LONP1: variants seen among roughly 807,000 people sequenced by gnomAD.
LONP1 encodes the protein lon peptidase 1, mitochondrial, also known as lon protease homolog, mitochondrial.
In LONP1, 31 loss-of-function variants were observed where a neutral mutation model predicts 98.5. The ratio of observed to expected loss-of-function variants is 0.31; its 90% confidence interval spans 0.24 to 0.42. LONP1 has a LOEUF of 0.42. Ranked by LOEUF, LONP1 falls within the 20% of genes least tolerant of loss-of-function variation. The pLI is 1.00. For missense variants in LONP1, 1,336 were observed against 1,350.6 expected (o/e 0.99, Z 0.17); for synonymous variants, 781 against 594.7 (o/e 1.31, Z -4.56).
At chr19:5,692,433 C>A (rs1455777522) in intron 17 of LONP1, among the ~76,000 whole-genome samples, 1 of 152,158 alleles carries the variant, frequency 6.6e-6, no homozygotes, top group African/African-American at 2.4e-5. Context: ...GGAGCCAGGG[C>A]CTCCCCACCC....
intron 1 of LONP1, among the ~76,000 whole-genome samples, chr19:5,717,099 A>G (rs2055337392): frequency 6.6e-6 from 1 of 152,164 alleles, no homozygotes; most frequent in Admixed American, 6.6e-5. Flanking sequence ...CAGCCCACGA[A>G]GTTAGTTTTT....
At chr19:5,708,506 A>AGTATGGGGCAGGGTCGCTGGGG (rs1322435701) in intron 4 of LONP1, 103 bp from the exon 5 acceptor site, 39 of 887,632 alleles carry the variant, frequency 4.4e-5, no homozygotes, top group South Asian at 1.3e-4. Context: ...AGCTCCATCA[A>AGTATGGGGCAGGGTCGCTGGGG]CTCCCTCCCC....
rs2054871516 is a variant in LONP1 at position 5,693,617 on chromosome 19, G to T, written c.2473C>A (p.Leu825Ile). 1.2e-6 allele frequency: 2 copies of T among 1,613,978 alleles called. No homozygotes were observed. The highest frequency in any genetic ancestry group is 8.5e-7 in the Non-Finnish European group (1 of 1,180,010). The change falls in exon 16 of 18, where the codon CTC (leucine) becomes ATC (isoleucine). Residue 825 changes from leucine (L) to isoleucine (I), a missense_variant. By Grantham distance (5) the Leu-to-Ile change is conservative. Transcript: ENST00000360614. ...TCATTGGCGGGGGCGTGCTGCATGAGGAAGGCTCTGGCGAAGGTGTAGGCT... is the reference window on the plus strand; with the variant it reads ...TCATTGGCGGGGGCGTGCTGCATGATGAAGGCTCTGGCGAAGGTGTAGGCT... ...RIAYTFARAFLMQHAPANDYL... is the reference protein window; with the variant it reads ...RIAYTFARAFIMQHAPANDYL...
chr19:5,700,534 A>G (rs2055021413), intron 9 of LONP1, among the ~76,000 whole-genome samples: 1 of 152,204 alleles, frequency 6.6e-6, no homozygotes, highest in South Asian at 2.1e-4. Context: ...CTCCCGCCTC[A>G]GCCTCCTGAG....
intron 10 of LONP1, among the ~76,000 whole-genome samples, chr19:5,698,266 G>T (rs1348787565): frequency 6.6e-6 from 1 of 152,178 alleles, no homozygotes; most frequent in Non-Finnish European, 1.5e-5. Context: ...GGGAGCTGGG[G>T]ATGTTTTTAG....
chr19:5,697,502 G>A (rs956455829), intron 10 of LONP1, among the ~76,000 whole-genome samples: 2 of 147,948 alleles, frequency 1.4e-5, no homozygotes, highest in East Asian at 2.0e-4. Context: ...GAGGCAGAGG[G>A]AGGAGGGGGG....
Position 5,720,095 on chromosome 19 carries a change from G to C in LONP1, c.38C>G (p.Ala13Gly). Residue 13 changes from alanine to glycine, a missense_variant, in exon 1 of 18, where the codon GCG becomes GGG. Ala to Gly is a moderately conservative substitution (Grantham distance 60). Coordinates refer to ENST00000360614, the MANE Select transcript of LONP1 (RefSeq NM_004793.4). ...CCGCCGCAGCACCCAGCACCGCGCC[G>C]CTCCCCACAGTCGCACGTAGCCAGT... ...ASTGYVRLWG[A>G]ARCWVLRRPM... is the part of the protein sequence containing the mutation. The C allele has an allele frequency of 6.8e-7, 1 of 1,469,058 alleles. No individual in the cohort carries two copies. Among genetic ancestry groups the C allele is most frequent in the Non-Finnish European group, 8.9e-7 (1 of 1,119,702 alleles). 91.0% of individuals were successfully genotyped at this position (1,469,058 alleles called of 1,614,324 possible). A position where few individuals can be genotyped will look rare whatever the true frequency, so the allele number is the denominator to read the frequency against.
At chr19:5,701,592 C>A (rs1033980648) in intron 8 of LONP1, among the ~76,000 whole-genome samples, 1 of 152,228 alleles carries the variant, frequency 6.6e-6, no homozygotes, top group Admixed American at 6.5e-5. Flanking sequence ...CTCGGCCTCC[C>A]GAGGTGCCGG....
At chr19:5,709,524 C>T (rs999817167) in intron 4 of LONP1, among the ~76,000 whole-genome samples, 6 of 151,922 alleles carry the variant, frequency 3.9e-5, no homozygotes, top group African/African-American at 1.2e-4. Context: ...ATCACCTGGT[C>T]TCTAGTCTTT....
At position 5,694,453 on chromosome 19, in the gene LONP1, T is replaced by A; in HGVS notation, c.2254A>T (p.Thr752Ser). 3 of 1,613,368 alleles carry A rather than the reference T, an allele frequency of 1.9e-6. No individual in the cohort carries two copies. Among genetic ancestry groups the A allele is most frequent in the Non-Finnish European group, 2.5e-6 (3 of 1,180,004 alleles). Residue 752 changes from threonine to serine, a missense_variant, in exon 15 of 18, where the codon ACC becomes TCC. Around this residue, in one of 5 missense-constraint regions of LONP1, gnomAD observed 555 missense variants for 542.6 expected, o/e 1.02. Transcript: ENST00000360614. ...LQDFVGKPVF[T>S]VERMYDVTPP... ...GTCACGTCATACATGCGCTCCACGG[T>A]GAACACGGGCTTCCCCACGAAGTCC...
intron 13 of LONP1, among the ~76,000 whole-genome samples, chr19:5,695,225 G>A (rs1276316944): frequency 6.6e-6 from 1 of 152,152 alleles, no homozygotes; most frequent in Non-Finnish European, 1.5e-5. Flanking sequence ...GTGGCTGACT[G>A]GTTACGTGGC....
At chr19:5,706,037 G>A (rs1172995607) in intron 7 of LONP1, 45 bp from the exon 8 acceptor site, 1 of 1,376,544 alleles carries the variant, frequency 7.3e-7, no homozygotes, top group East Asian at 2.3e-5. Context: ...CCGGGAAGCT[G>A]GGTGGGTGGG....
chr19:5,718,415 T>C (rs1226160127), intron 1 of LONP1, among the ~76,000 whole-genome samples: 1 of 151,310 alleles, frequency 6.6e-6, no homozygotes, highest in African/African-American at 2.4e-5. Flanking sequence ...GAGGCAGAGG[T>C]TGCAGTGAGC....
chr19:5,706,553 G>A (rs2055148273), intron 7 of LONP1, among the ~76,000 whole-genome samples: 1 of 152,116 alleles, frequency 6.6e-6, no homozygotes, highest in Non-Finnish European at 1.5e-5. Context: ...GCTGTAGTGA[G>A]CTGAGATTGC....
chr19:5,706,279 G>A (rs1294712232), intron 7 of LONP1, among the ~76,000 whole-genome samples: 2 of 151,780 alleles, frequency 1.3e-5, no homozygotes, highest in African/African-American at 2.4e-5. Flanking sequence ...TGGGACCACA[G>A]GCACCTGCCA....
chr19:5,704,994 CTACTAAAAA>C (rs913257047), intron 8 of LONP1, among the ~76,000 whole-genome samples: 2 of 152,104 alleles, frequency 1.3e-5, no homozygotes, highest in African/African-American at 4.8e-5. Context: ...AACCCCATCT[CTACTAAAAA>C]TACTAAAAAT....
Position 5,719,916 on chromosome 19 carries a change from T to A in LONP1, c.217A>T (p.Ser73Cys). Residue 73 changes from serine (S) to cysteine (C), a missense_variant, in exon 1 of 18, where the codon AGC (serine) becomes TGC (cysteine). Around this residue, in one of 5 missense-constraint regions of LONP1, gnomAD observed 457 missense variants for 403.1 expected, o/e 1.13. Transcript: ENST00000360614. Reference protein sequence around the residue: ...GQWRGFWEASSRGGGAFSGGE... With the variant: ...GQWRGFWEASCRGGGAFSGGE... ...CCCGAGAATGCGCCTCCGCCGCGGC[T>A]GCTCGCTTCCCAAAACCCCCGCCAT... The A allele has an allele frequency of 6.5e-7, 1 of 1,547,752 alleles. No homozygotes were observed. The highest frequency in any genetic ancestry group is 8.7e-7 in the Non-Finnish European group (1 of 1,148,076).
Position 5,695,932 on chromosome 19 carries a change from C to T in LONP1, c.2013+122G>A, listed in dbSNP as rs992424220. Reference sequence around the variant, plus strand: ...GTCTCTCACGGCCCCATCTGCTCCTCGGCCGCAGGTCCCACCTGTCTCTCC... The same window carrying T: ...GTCTCTCACGGCCCCATCTGCTCCTTGGCCGCAGGTCCCACCTGTCTCTCC... On this transcript the variant is annotated intron_variant, in intron 13 of 17. Coordinates refer to ENST00000360614, the MANE Select transcript of LONP1 (RefSeq NM_004793.4). The T allele has an allele frequency of 2.5e-5, 20 of 800,764 alleles. No homozygotes were observed. In the East Asian group the frequency reaches 2.9e-4, roughly 12 times the overall value. 49.6% of individuals were successfully genotyped at this position (800,764 alleles called of 1,614,324 possible). A position where few individuals can be genotyped will look rare whatever the true frequency, so the allele number is the denominator to read the frequency against.
Position 5,694,633 on chromosome 19 carries a change from T to G in LONP1, c.2155-81A>C, listed in dbSNP as rs572222191. 5.9e-6 allele frequency: 9 copies of G among 1,529,274 alleles called. No homozygotes were observed. In the East Asian group the frequency reaches 2.1e-4, roughly 35 times the overall value. The allele number at this position is 1,529,274 out of a possible 1,614,324, so 94.7% of individuals were successfully genotyped here. On this transcript the variant is annotated intron_variant, in intron 14 of 17. Coordinates refer to ENST00000360614, the MANE Select transcript of LONP1 (RefSeq NM_004793.4). The stretch of plus-strand genomic sequence containing the variant: ...TGGTGGGGTGACGGGCACAGAAAGG[T>G]GTGACGGGCGCGGGGTGGTGGGGTG...
Sources: gnomAD v4.1 joint callset for allele counts (sites outside exome capture counted in the v4.1 genomes callset) on GRCh38, gnomAD v4.1.1 for gene constraint, gnomAD v4.1.1 regional missense constraint, MANE v1.5 for transcripts, NCBI Gene and HGNC (gene_info 2026-07-23, HGNC 2026-07-21) for gene names.